NGLY1: variants seen among roughly 807,000 people sequenced by gnomAD.
The protein encoded by NGLY1 is peptide-N(4)-(N-acetyl-beta-glucosaminyl)asparagine amidase.
In NGLY1, 68 loss-of-function variants were observed where a neutral mutation model predicts 84.6. The ratio of observed to expected loss-of-function variants is 0.80; its 90% CI spans 0.66 to 0.98. The LOEUF (loss-of-function observed/expected upper bound fraction) is 0.98, where lower values mean the gene tolerates loss of function less well. Ranked by LOEUF, NGLY1 falls within the 50% of genes least tolerant of loss-of-function variation. The probability of loss-of-function intolerance (pLI) is 0.00; values close to 1 mark genes in which losing one functional copy is unlikely to be tolerated. For synonymous variants in NGLY1, 280 were observed against 275.2 expected (o/e 1.02, Z -0.17); for missense variants, 779 against 770.2 (o/e 1.01, Z -0.14).
chr3:25,749,041 G>GC (rs1706587808), intron 4 of NGLY1, among the ~76,000 whole-genome samples: 1 of 152,110 alleles, frequency 6.6e-6, no homozygotes, highest in Non-Finnish European at 1.5e-5. Context: ...AAACTACAGT[G>GC]ACATACCGCT....
At chr3:25,774,090 C>G (rs1424732436) in intron 2 of NGLY1, among the ~76,000 whole-genome samples, 8 of 152,162 alleles carry the variant, frequency 5.3e-5, no homozygotes, top group Admixed American at 3.9e-4. Flanking sequence ...TTCTCGAATT[C>G]CAGGTGTGCT....
At chr3:25,756,432 T>G (rs558968105) in intron 3 of NGLY1, among the ~76,000 whole-genome samples, 1 of 152,314 alleles carries the variant, frequency 6.6e-6, no homozygotes, top group East Asian at 1.9e-4. Context: ...GTCAGAACAG[T>G]TGGGTTTTAC....
Position 25,783,363 on chromosome 3 carries a change from A to C in NGLY1, c.28T>G (p.Ser10Ala). Residue 10 changes from serine to alanine, a missense_variant, in exon 1 of 12, where the codon TCA becomes GCA. By Grantham distance (99) the Ser-to-Ala change is moderately conservative. Coordinates refer to ENST00000280700, the MANE Select transcript of NGLY1 (RefSeq NM_018297.4). The surrounding 1 kb of genome is among the most constrained non-coding windows in gnomAD (Gnocchi z 4.5). MAAAALGSS[S>A]GSASPAVAEL... The stretch of plus-strand genomic sequence containing the variant: ...GCCACGGCCGGGGACGCCGAGCCTG[A>C]GGAGCTGCCCAATGCCGCCGCCGCC... 1.3e-6 allele frequency: 2 copies of C among 1,560,330 alleles called. No homozygotes were observed. Among genetic ancestry groups the C allele is most frequent in the South Asian group, 2.3e-5 (2 of 85,846 alleles).
intron 2 of NGLY1, among the ~76,000 whole-genome samples, chr3:25,776,536 G>C (rs901296385): frequency 9.2e-5 from 14 of 151,950 alleles, no homozygotes; most frequent in Non-Finnish European, 2.9e-5. Flanking sequence ...CTCTCCTTTG[G>C]GGTTGTAAAC....
chr3:25,736,284 T>G (rs1049143346), intron 6 of NGLY1, 135 bp from the exon 7 acceptor site: 91 of 1,550,554 alleles, frequency 5.9e-5, no homozygotes, highest in Middle Eastern at 1.7e-4. Context: ...AAGTGCATTT[T>G]GTGGCACACA....
Position 25,737,468 on chromosome 3 carries a change from G to GA in NGLY1, c.882-14dup, listed in dbSNP as rs762807225. ...AGGGTTATTATATCTGGTTTAAAAA[G>GA]AAAAAAAACCTTAATTATCAAAATC... is the stretch of plus-strand genomic sequence containing the variant. On this transcript the variant is annotated splice_polypyrimidine_tract_variant and intron_variant, in intron 5 of 11. Transcript: ENST00000280700. 278 of 1,552,296 alleles carry GA rather than the reference G, an allele frequency of 1.8e-4. No homozygotes were observed. The African/African-American group carries it at 2.7e-3, about 15-fold the overall frequency.
intron 3 of NGLY1, among the ~76,000 whole-genome samples, chr3:25,757,517 G>A (rs1023891309): frequency 2.6e-5 from 4 of 152,092 alleles, no homozygotes; most frequent in African/African-American, 9.7e-5. Flanking sequence ...TTGTTCCAAG[G>A]CTATTAATAA....
chr3:25,727,875 C>T (rs904619483), intron 10 of NGLY1, among the ~76,000 whole-genome samples: 5 of 152,234 alleles, frequency 3.3e-5, no homozygotes, highest in Middle Eastern at 3.4e-3. Flanking sequence ...TCCATTTTAG[C>T]AAGTATAGAC....
intron 3 of NGLY1, among the ~76,000 whole-genome samples, chr3:25,761,223 T>TA (rs1472374038): frequency 1.3e-5 from 2 of 152,160 alleles, no homozygotes; most frequent in Non-Finnish European, 1.5e-5. Flanking sequence ...ATTAGCTGAG[T>TA]AAAAAGTACT....
chr3:25,725,801 G>A (rs1705224775), intron 10 of NGLY1, among the ~76,000 whole-genome samples: 1 of 152,084 alleles, frequency 6.6e-6, no homozygotes, highest in South Asian at 2.1e-4. Context: ...CTTGGAGTAT[G>A]AGGTTTTTTT....
chr3:25,735,025 T>C, intron 7 of NGLY1: 1 of 256,046 alleles, frequency 3.9e-6, no homozygotes, highest in Non-Finnish European at 6.2e-6. Context: ...TCATTATCCA[T>C]ATGTAAAAAA....
At chr3:25,734,200 G>C (rs1705700223) in intron 7 of NGLY1, 3 of 457,324 alleles carry the variant, frequency 6.6e-6, no homozygotes, top group Non-Finnish European at 1.1e-5. Flanking sequence ...TGAGTAGCTG[G>C]GACTATAGGC....
chr3:25,741,229 T>C lies in NGLY1; in HGVS notation c.659-1430A>G, dbSNP rs181217236. 2.0e-5 allele frequency among the ~76,000 whole-genome samples: 3 copies of C among 150,434 alleles called. No individual in the cohort carries two copies. The East Asian group carries it at 5.9e-4, about 29-fold the overall frequency. The stretch of plus-strand genomic sequence containing the variant: ...CCAACACAACTTTGAGCAAGAATCA[T>C]AAGGTAAATTTGCCTACCGTGTATC... On this transcript the variant is annotated intron_variant, in intron 4 of 11. Transcript: ENST00000280700.
intron 1 of NGLY1, chr3:25,782,882 G>A: frequency 5.0e-6 from 1 of 199,236 alleles, no homozygotes; most frequent in Non-Finnish European, 1.0e-5. Flanking sequence ...TGACACGCGC[G>A]GTGCGGTTAC....
chr3:25,744,312 C>T (rs148599320), intron 4 of NGLY1, among the ~76,000 whole-genome samples: 94 of 152,302 alleles, frequency 6.2e-4, no homozygotes, highest in African/African-American at 2.1e-3. Flanking sequence ...TTACCTGTAT[C>T]TGGAACATGC....
chr3:25,719,773 G>A (rs1422265774), intron 11 of NGLY1, 138 bp from the exon 12 acceptor site: 1 of 725,694 alleles, frequency 1.4e-6, no homozygotes, highest in Non-Finnish European at 2.1e-6. Context: ...ATTCTTTATG[G>A]AAGAAATGCA....
At chr3:25,745,717 G>A (rs1401988401) in intron 4 of NGLY1, among the ~76,000 whole-genome samples, 2 of 151,978 alleles carry the variant, frequency 1.3e-5, no homozygotes, top group African/African-American at 4.8e-5. Flanking sequence ...TTACTATTGT[G>A]TTTTAATTTT....
At chr3:25,756,313 G>A (rs1707033834) in intron 3 of NGLY1, among the ~76,000 whole-genome samples, 1 of 152,052 alleles carries the variant, frequency 6.6e-6, no homozygotes, top group South Asian at 2.1e-4. Flanking sequence ...TATCATTCCT[G>A]GTAATACAGC....
intron 2 of NGLY1, among the ~76,000 whole-genome samples, chr3:25,774,206 C>CT (rs1175909018): frequency 5.9e-5 from 9 of 152,170 alleles, no homozygotes; most frequent in Non-Finnish European, 1.0e-4. Context: ...CAGAGTTGTT[C>CT]TTTAATGAGT....
Sources: gnomAD v4.1 joint callset for allele counts (sites outside exome capture counted in the v4.1 genomes callset) on GRCh38, gnomAD v4.1.1 for gene constraint, Gnocchi (gnomAD v3.1) non-coding constraint, MANE v1.5 for transcripts, NCBI Gene and HGNC (gene_info 2026-07-23, HGNC 2026-07-21) for gene names.